The following CR1 variants were observed in gnomAD, a reference collection of about 807,000 sequenced individuals.
The protein encoded by CR1 is complement receptor type 1.
Under a neutral mutation model 187.3 loss-of-function variants are expected in CR1, and 116 were observed. The ratio of observed to expected loss-of-function variants is 0.62; its 90% confidence interval spans 0.53 to 0.72. The LOEUF (loss-of-function observed/expected upper bound fraction) is 0.72, where lower values mean the gene tolerates loss of function less well. Among genes scored for constraint, CR1 ranks in the 30% least tolerant of loss-of-function variants. CR1 has a pLI of 0.00. For synonymous variants in CR1, 576 were observed against 747.1 expected, an observed-to-expected ratio of 0.77 and a Z score of 3.73; for missense variants, 1,731 against 2,110.7, an observed-to-expected ratio of 0.82 and a Z score of 3.52.
chr1:207,501,017 C>A (rs1659249095), intron 1 of CR1, among the ~76,000 whole-genome samples: 1 of 150,540 alleles, frequency 6.6e-6, no homozygotes, highest in Non-Finnish European at 1.5e-5. Context: ...TAAAAAAAAA[C>A]CTGAGTGATT....
Position 207,496,497 on chromosome 1 carries a change from G to C in CR1, c.121+109G>C, listed in dbSNP as rs1362824021. The stretch of plus-strand genomic sequence containing the variant: ...TGCGCTGCTCTGCGCGCCCGGGTCC[G>C]AAGGCAGCGCGATGGGTGGGCTGAG... On this transcript the variant is annotated intron_variant, in intron 1 of 46. Coordinates refer to ENST00000367049, the MANE Select transcript of CR1 (RefSeq NM_000651.6). 2.5e-6 allele frequency: 3 copies of C among 1,186,716 alleles called. No homozygotes were observed. In the African/African-American group the frequency reaches 4.9e-5, roughly 19 times the overall value. The allele number at this position is 1,186,716 out of a possible 1,614,324, so 73.5% of individuals were successfully genotyped here.
Position 207,618,104 on chromosome 1 carries a change from A to G in CR1, c.6923A>G (p.His2308Arg). ...CPHPPKIQNG[H>R]YIGGHVSLYL... is the part of the protein sequence containing the mutation. ...CATCCACCCAAGATCCAAAACGGGC[A>G]TTACATTGGAGGACACGTATCTCTA... The change falls in exon 42 of 47, where the codon CAT becomes CGT. Residue 2308 changes from histidine (H) to arginine (R), a missense_variant. Transcript: ENST00000367049. 1.9e-6 allele frequency: 3 copies of G among 1,613,818 alleles called. No individual in the cohort carries two copies.
Position 207,580,556 on chromosome 1 carries a change from T to A in CR1, c.5159T>A (p.Val1720Glu). The A allele has an allele frequency of 6.2e-7, 1 of 1,613,656 alleles. No individual in the cohort carries two copies. The highest frequency in any genetic ancestry group is 1.1e-5 in the South Asian group (1 of 91,052). ...TTGGGTCAACTCCCTCATGGCCGTGTGCTATTTCCACTTAATCTCCAGCTT... is the reference window on the plus strand; with the variant it reads ...TTGGGTCAACTCCCTCATGGCCGTGAGCTATTTCCACTTAATCTCCAGCTT... ...DFLGQLPHGR[V>E]LFPLNLQLGA... Residue 1720 changes from valine to glutamate, a missense_variant, in exon 31 of 47, where the codon GTG (valine) becomes GAG (glutamate). Physicochemically the swap from Val to Glu is moderately radical, Grantham distance 121. Around this residue, in one of 5 missense-constraint regions of CR1, gnomAD observed 1,312 missense variants for 1,379.6 expected, o/e 0.95. Transcript: ENST00000367049.
chr1:207,616,522 A>G, intron 40 of CR1, 53 bp from the exon 41 acceptor site: 1 of 1,573,650 alleles, frequency 6.4e-7, no homozygotes. Flanking sequence ...CTATTGTTTC[A>G]GTCATCTTAA....
intron 1 of CR1, among the ~76,000 whole-genome samples, chr1:207,501,623 C>T (rs1168898673): frequency 6.6e-6 from 1 of 152,152 alleles, no homozygotes; most frequent in East Asian, 1.9e-4. Context: ...TATTCATATA[C>T]TACTATGCAG....
intron 29 of CR1, 87 bp from the exon 30 acceptor site, chr1:207,580,153 T>A: frequency 6.5e-7 from 1 of 1,541,162 alleles, no homozygotes; most frequent in Non-Finnish European, 8.8e-7. Context: ...GTTCTATTTC[T>A]CTACCTCTGA....
At chr1:207,609,241 AT>A in intron 36 of CR1, 48 bp from the exon 37 acceptor site, 1 of 1,454,050 alleles carries the variant, frequency 6.9e-7, no homozygotes, top group Non-Finnish European at 9.2e-7. Context: ...TAGTAAAATA[AT>A]TCATTATTAA....
chr1:207,614,125 G>A (rs1457001279), intron 39 of CR1, among the ~76,000 whole-genome samples: 1 of 152,166 alleles, frequency 6.6e-6, no homozygotes, highest in Non-Finnish European at 1.5e-5. Context: ...GTGATGCTGG[G>A]CTATGAAGTT....
At chr1:207,524,891 AT>A (rs1175746994) in intron 5 of CR1, among the ~76,000 whole-genome samples, 1 of 152,000 alleles carries the variant, frequency 6.6e-6, no homozygotes, top group Non-Finnish European at 1.5e-5. Flanking sequence ...CTGTTCTCAC[AT>A]TCCTATAAAA....
chr1:207,613,872 G>A lies in CR1; in HGVS notation c.6576-532G>A, dbSNP rs539243547. ...CTCCCTTCTTTTTTTCTTAGAGCAC[G>A]TGGTTCAGCATGCTTCTGTGAGCCT... On this transcript the variant is annotated intron_variant, in intron 39 of 46. Coordinates refer to ENST00000367049, the MANE Select transcript of CR1 (RefSeq NM_000651.6). 5.9e-5 allele frequency among the ~76,000 whole-genome samples: 9 copies of A among 152,144 alleles called. No homozygotes were observed. The South Asian group carries it at 6.2e-4, about 11-fold the overall frequency.
intron 32 of CR1, among the ~76,000 whole-genome samples, chr1:207,583,360 T>A (rs1205398207): frequency 2.0e-5 from 3 of 152,120 alleles, no homozygotes; most frequent in Non-Finnish European, 4.4e-5. Flanking sequence ...CAAACACTGA[T>A]TGGAATGAAT....
intron 35 of CR1, among the ~76,000 whole-genome samples, chr1:207,593,084 C>CAAAAAAA (rs57700679): frequency 0.013 from 1,119 of 83,042 alleles, 99 homozygotes; most frequent in African/African-American, 0.052. Flanking sequence ...CACAGAATTA[C>CAAAAAAA]AAAAAAAAAA....
chr1:207,580,679 C>A, intron 31 of CR1, 66 bp downstream of exon 31: 3 of 1,422,128 alleles, frequency 2.1e-6, no homozygotes, highest in Non-Finnish European at 2.9e-6. Context: ...GCTTAAGGAT[C>A]AATCCAAAAA....
chr1:207,498,271 G>A (rs1408584673), intron 1 of CR1, among the ~76,000 whole-genome samples: 2 of 152,198 alleles, frequency 1.3e-5, no homozygotes, highest in Non-Finnish European at 2.9e-5. Context: ...CAGGATCACC[G>A]AAAAGCGAGA....
At chr1:207,634,997 A>T (rs558931491) in intron 46 of CR1, among the ~76,000 whole-genome samples, 3 of 152,242 alleles carry the variant, frequency 2.0e-5, no homozygotes, top group African/African-American at 7.2e-5. Flanking sequence ...TTAATCATTA[A>T]TCTCTCTGTT....
chr1:207,588,600 G>A (rs1661180065), intron 34 of CR1, 75 bp from the exon 35 acceptor site: 1 of 951,388 alleles, frequency 1.1e-6, no homozygotes, highest in South Asian at 1.4e-5. Flanking sequence ...TGTTTAGTAT[G>A]CCACACTCCA....
chr1:207,521,212 G>A (rs1659982699), intron 4 of CR1, among the ~76,000 whole-genome samples: 1 of 151,726 alleles, frequency 6.6e-6, no homozygotes, highest in Non-Finnish European at 1.5e-5. Context: ...CCTGACAAGA[G>A]GTGATCTGCC....
intron 37 of CR1, among the ~76,000 whole-genome samples, chr1:207,611,340 G>C (rs1419014933): frequency 6.6e-6 from 1 of 152,220 alleles, no homozygotes; most frequent in African/African-American, 2.4e-5. Context: ...GACTGCCTCT[G>C]TAGGAAGTGG....
chr1:207,624,318 GC>G (rs1415634194), intron 45 of CR1, among the ~76,000 whole-genome samples: 1 of 152,082 alleles, frequency 6.6e-6, no homozygotes, highest in Non-Finnish European at 1.5e-5. Flanking sequence ...AACCTACACA[GC>G]TTTTGTACTG....
Sources: allele counts gnomAD v4.1 joint callset (sites outside exome capture counted in the v4.1 genomes callset), GRCh38; gene constraint gnomAD v4.1.1; regional missense constraint gnomAD v4.1.1; transcripts MANE v1.5; gene names NCBI Gene and HGNC (gene_info 2026-07-23, HGNC 2026-07-21).